Variants in FERMT2 observed in about 807,000 individuals in gnomAD.
The protein encoded by FERMT2 is fermitin family homolog 2.
In FERMT2, 15 loss-of-function variants were observed where a neutral mutation model predicts 82.7. That is an observed-to-expected ratio of 0.18 (90% CI 0.12 to 0.28). The LOEUF is 0.28. Among genes scored for constraint, FERMT2 ranks in the 10% least tolerant of loss-of-function variants. The probability of loss-of-function intolerance (pLI) is 1.00; values close to 1 mark genes in which losing one functional copy is unlikely to be tolerated. For missense variants in FERMT2, 645 were observed against 809.4 expected (o/e 0.80, Z 2.46); for synonymous variants, 274 against 271.5 (o/e 1.01, Z -0.09).
chr14:52,894,636 T>C (rs1464161489), intron 3 of FERMT2, among the ~76,000 whole-genome samples: 2 of 152,052 alleles, frequency 1.3e-5, no homozygotes, highest in African/African-American at 4.8e-5. Context: ...TCAGAATTTT[T>C]TGACAAAGGT....
In FERMT2 at chr14:52,861,019, C is replaced by T. The variant is rs1226197225; in HGVS notation, c.1603-554G>A. On this transcript the variant is annotated intron_variant, in intron 12 of 14. Coordinates refer to ENST00000341590, the MANE Select transcript of FERMT2 (RefSeq NM_006832.3). Reference sequence around the variant, plus strand: ...GGTAAATATGGAGAACTTACCAAATCTCTTATATAGCCTGGCTGTAGATGG... The same window carrying T: ...GGTAAATATGGAGAACTTACCAAATTTCTTATATAGCCTGGCTGTAGATGG... 10 of 1,521,926 alleles carry T rather than the reference C, an allele frequency of 6.6e-6. No homozygotes were observed. The South Asian group carries it at 1.0e-4, about 16-fold the overall frequency. The allele number at this position is 1,521,926 out of a possible 1,614,324, so 94.3% of individuals were successfully genotyped here. A position where few individuals can be genotyped will look rare whatever the true frequency, so the allele number is the denominator to read the frequency against.
chr14:52,882,420 T>C (rs1275248225), intron 4 of FERMT2, among the ~76,000 whole-genome samples: 1 of 152,146 alleles, frequency 6.6e-6, no homozygotes, highest in Non-Finnish European at 1.5e-5. Flanking sequence ...TAAATAACAA[T>C]TTGTTACATT....
At position 52,864,509 on chromosome 14, in the gene FERMT2, C is replaced by T; in HGVS notation, c.1494G>A (p.Met498Ile). ...EVQNILSFLK[M>I]QHLNPDPQLI... ...ACTGAGGATCTGGGTTTAAATGCTG[C>T]ATCTTCAGAAAGGAAAGAATATTCT... Residue 498 changes from methionine to isoleucine, a missense_variant, in exon 12 of 15, where the codon ATG becomes ATA. Coordinates refer to ENST00000341590, the MANE Select transcript of FERMT2 (RefSeq NM_006832.3). 1 of 1,613,984 alleles carries T rather than the reference C, an allele frequency of 6.2e-7. No individual in the cohort carries two copies. Among genetic ancestry groups the T allele is most frequent in the South Asian group, 1.1e-5 (1 of 91,082 alleles).
chr14:52,923,205 T>G (rs1594999370), intron 2 of FERMT2, among the ~76,000 whole-genome samples: 2 of 150,652 alleles, frequency 1.3e-5, no homozygotes, highest in Admixed American at 6.6e-5. Context: ...TGGTGGGGGT[T>G]GGGGGGGGAA....
chr14:52,893,375 T>C lies in FERMT2; in HGVS notation c.444A>G (p.Thr148=), dbSNP rs1336442703. The change falls in exon 4 of 15, where the codon ACA becomes ACG. Residue 148 remains threonine, a synonymous_variant. Transcript: ENST00000341590. ...CATCTAGCTTCTTCTTTTTTTTCTTTGTTGGATCTCTGGGTTTCTTTAAGA... is the reference window on the plus strand; with the variant it reads ...CATCTAGCTTCTTCTTTTTTTTCTTCGTTGGATCTCTGGGTTTCTTTAAGA... ...LSLLKKPRDP[T]KKKKKKLDDQ... The C allele has an allele frequency of 6.2e-7, 1 of 1,612,914 alleles. No individual in the cohort carries two copies. Among genetic ancestry groups the C allele is most frequent in the South Asian group, 1.1e-5 (1 of 90,886 alleles).
At chr14:52,904,932 C>T (rs1887910006) in intron 3 of FERMT2, among the ~76,000 whole-genome samples, 2 of 151,884 alleles carry the variant, frequency 1.3e-5, no homozygotes, top group South Asian at 4.2e-4. Flanking sequence ...CTCATGCCTG[C>T]AATTCCCAGC....
intron 2 of FERMT2, among the ~76,000 whole-genome samples, chr14:52,948,295 A>T (rs749022086): frequency 6.6e-6 from 1 of 152,232 alleles, no homozygotes; most frequent in Non-Finnish European, 1.5e-5. Context: ...AAAATTACAA[A>T]GTTCTTTTCT....
In FERMT2 at chr14:52,947,587, A is replaced by G. The variant is rs117471242; in HGVS notation, c.157+2825T>C. On this transcript the variant is annotated intron_variant, in intron 2 of 14. Coordinates refer to ENST00000341590, the MANE Select transcript of FERMT2 (RefSeq NM_006832.3). Reference sequence around the variant, plus strand: ...TTTAATGGCCTTAAGCAAAGTGTACACGTTATTTATAATAAAAGTCTAACT... The same window carrying G: ...TTTAATGGCCTTAAGCAAAGTGTACGCGTTATTTATAATAAAAGTCTAACT... Among the ~76,000 whole-genome samples the G allele has an allele frequency of 6.7e-4, 102 of 152,350 alleles. 1 individual carries two copies. In the South Asian group the frequency reaches 9.3e-3, roughly 14 times the overall value.
At chr14:52,860,551 G>C in intron 12 of FERMT2, 86 bp from the exon 13 acceptor site, 1 of 1,191,538 alleles carries the variant, frequency 8.4e-7, no homozygotes, top group Non-Finnish European at 1.2e-6. Context: ...ATTGAATTAC[G>C]CACCCCGTAC....
At chr14:52,927,170 G>GA (rs1176512086) in intron 2 of FERMT2, among the ~76,000 whole-genome samples, 3 of 152,144 alleles carry the variant, frequency 2.0e-5, no homozygotes. Flanking sequence ...CTAAGGAACA[G>GA]AAGGCTTGGG....
At chr14:52,912,557 C>G (rs969615247) in intron 3 of FERMT2, among the ~76,000 whole-genome samples, 1 of 149,714 alleles carries the variant, frequency 6.7e-6, no homozygotes, top group African/African-American at 2.5e-5. Flanking sequence ...GTTGCCCAGG[C>G]TGGAAAGCAG....
At chr14:52,878,079 T>A (rs1420069258) in intron 7 of FERMT2, among the ~76,000 whole-genome samples, 1 of 152,188 alleles carries the variant, frequency 6.6e-6, no homozygotes. Context: ...ATGTTAGCTA[T>A]CTACTTAAGG....
chr14:52,879,672 A>ATTAC (rs1478388821), intron 6 of FERMT2, among the ~76,000 whole-genome samples: 1 of 152,184 alleles, frequency 6.6e-6, no homozygotes, highest in African/African-American at 2.4e-5. Flanking sequence ...TGTATAAAGA[A>ATTAC]TTACTTAAGC....
At chr14:52,874,735 A>G (rs1465131291) in intron 8 of FERMT2, among the ~76,000 whole-genome samples, 1 of 152,214 alleles carries the variant, frequency 6.6e-6, no homozygotes. Flanking sequence ...AAGAATTTGC[A>G]GAGTATTAGA....
intron 9 of FERMT2, chr14:52,873,537 C>T (rs973663984): frequency 2.0e-5 from 3 of 152,460 alleles, no homozygotes; most frequent in African/African-American, 7.2e-5. Context: ...GGTAGTGGAT[C>T]TGAAATCATG....
At chr14:52,877,985 A>C (rs1886072680) in intron 7 of FERMT2, among the ~76,000 whole-genome samples, 1 of 152,220 alleles carries the variant, frequency 6.6e-6, no homozygotes, top group Non-Finnish European at 1.5e-5. Flanking sequence ...GTGGATAATT[A>C]ATTTTTAAAT....
chr14:52,900,810 C>A lies in FERMT2; in HGVS notation c.392-7383G>T, dbSNP rs1023011812. On this transcript the variant is annotated intron_variant, in intron 3 of 14. Transcript: ENST00000341590. ...TCAGGTAACCTACTCCACAGACACA[C>A]ACCCTTTAGGATCCTTTACAAACAG... Among the ~76,000 whole-genome samples, 68 of 152,102 alleles carry A rather than the reference C, an allele frequency of 4.5e-4. 1 individual carries two copies. The highest frequency in any genetic ancestry group is 1.0e-4 in the Non-Finnish European group (7 of 68,026).
At chr14:52,912,834 C>T (rs1240151568) in intron 3 of FERMT2, among the ~76,000 whole-genome samples, 4 of 152,058 alleles carry the variant, frequency 2.6e-5, no homozygotes, top group Non-Finnish European at 5.9e-5. Flanking sequence ...TCCATTCGAT[C>T]CCAGTGATAG....
chr14:52,875,140 C>T (rs1885877468), intron 8 of FERMT2, 83 bp downstream of exon 8: 5 of 1,199,318 alleles, frequency 4.2e-6, no homozygotes, highest in Admixed American at 4.4e-5. Context: ...TCCACCACCC[C>T]CAAATACTTT....
Sources: allele counts gnomAD v4.1 joint callset (sites outside exome capture counted in the v4.1 genomes callset), GRCh38; gene constraint gnomAD v4.1.1; transcripts MANE v1.5; gene names NCBI Gene and HGNC (gene_info 2026-07-23, HGNC 2026-07-21).